RECQL: variants seen among roughly 807,000 people sequenced by gnomAD.
RECQL encodes the protein RecQ like helicase, also known as ATP-dependent DNA helicase Q1.
RECQL carries 73 observed loss-of-function variants against 75.8 expected under a neutral mutation model. The ratio of observed to expected loss-of-function variants is 0.96; its 90% CI spans 0.80 to 1.17. RECQL has a LOEUF of 1.17. Ranked by LOEUF, RECQL falls within the 50% of genes most tolerant of loss-of-function variation. The pLI, the probability that RECQL is intolerant of heterozygous loss-of-function variation, is 0.00. For missense variants in RECQL, 699 were observed against 772.1 expected, an observed-to-expected ratio of 0.91 and a Z score of 1.12; for synonymous variants, 248 against 254.4, an observed-to-expected ratio of 0.97 and a Z score of 0.24.
intron 2 of RECQL, 149 bp downstream of exon 2, chr12:21,499,406 T>A: frequency 1.5e-6 from 1 of 681,482 alleles, no homozygotes. Flanking sequence ...ATGGTTAGCA[T>A]GGCAAAGTTT....
intron 4 of RECQL, among the ~76,000 whole-genome samples, chr12:21,487,988 C>T (rs188999653): frequency 6.6e-6 from 1 of 152,298 alleles, no homozygotes; most frequent in East Asian, 1.9e-4. Context: ...CTGGAATAGA[C>T]TAAGATAACA....
intron 3 of RECQL, 25 bp downstream of exon 3, chr12:21,491,494 C>CAAAAAA: frequency 2.3e-6 from 3 of 1,322,940 alleles, no homozygotes; most frequent in Non-Finnish European, 2.9e-6. Flanking sequence ...ATAAAACTAG[C>CAAAAAA]AAAAAAAAAA....
intron 8 of RECQL, 121 bp downstream of exon 8, chr12:21,476,790 T>C: frequency 2.0e-6 from 1 of 510,528 alleles, no homozygotes. Context: ...TTTTCAAGTA[T>C]CTTCTGCTAT....
At chr12:21,486,290 T>C (rs1565570849) in intron 5 of RECQL, among the ~76,000 whole-genome samples, 189 bp downstream of exon 5, 1 of 152,132 alleles carries the variant, frequency 6.6e-6, no homozygotes, top group Non-Finnish European at 1.5e-5. Context: ...TTTAAAAATA[T>C]AAAAACCATT....
rs147610182 is a variant in RECQL at position 21,475,469 on chromosome 12, T to A, written c.1215A>T (p.Ala405=). 3.8e-6 allele frequency: 6 copies of A among 1,594,306 alleles called. No homozygotes were observed. The highest frequency in any genetic ancestry group is 5.2e-6 in the Non-Finnish European group (6 of 1,164,036). Residue 405 remains alanine, a splice_region_variant and synonymous_variant, in exon 10 of 15, where the codon GCA becomes GCT. Coordinates refer to ENST00000444129, the MANE Select transcript of RECQL (RefSeq NM_002907.4). ...CTTCTGGATTTGAGTCCTACATACC[T>A]GCACGTCCACTCTCTTGGTAATAAT... The part of the protein sequence containing the change: ...MENYYQESGR[A]GRDDMKADCI...
At position 21,483,570 on chromosome 12, in the gene RECQL, T is replaced by A; in HGVS notation, c.506A>T (p.His169Leu). The change falls in exon 6 of 15, where the codon CAT (histidine) becomes CTT (leucine). Residue 169 changes from histidine to leucine, a missense_variant. By Grantham distance (99) the His-to-Leu change is moderately conservative. Transcript: ENST00000444129. Reference protein sequence around the residue: ...TMLNASSSKEHVKWVHAEMVN... With the variant: ...TMLNASSSKELVKWVHAEMVN... Reference sequence around the variant, plus strand: ...CATTTCAGCATGAACCCATTTAACATGCTCCTATTAAAAGAAAAAAATAGA... The same window carrying A: ...CATTTCAGCATGAACCCATTTAACAAGCTCCTATTAAAAGAAAAAAATAGA... 6.4e-7 allele frequency: 1 copy of A among 1,569,700 alleles called. No individual in the cohort carries two copies. The highest frequency in any genetic ancestry group is 8.6e-7 in the Non-Finnish European group (1 of 1,166,892).
chr12:21,476,795 TG>T lies in RECQL; in HGVS notation c.949+115del, dbSNP rs1943094253. On this transcript the variant is annotated intron_variant, in intron 8 of 14. Coordinates refer to ENST00000444129, the MANE Select transcript of RECQL (RefSeq NM_002907.4). ...TTATCACGTATTTTCAAGTATCTTC[TG>T]CTATACATTAATTTTTTTTGGTGTT... 6 of 532,180 alleles carry T rather than the reference TG, an allele frequency of 1.1e-5. No homozygotes were observed. The East Asian group carries it at 2.0e-4, about 17-fold the overall frequency. The allele number at this position is 532,180 out of a possible 1,614,324, so 33.0% of individuals were successfully genotyped here. A position where few individuals can be genotyped will look rare whatever the true frequency, so the allele number is the denominator to read the frequency against.
chr12:21,479,589 G>A (rs1271556984), intron 6 of RECQL, among the ~76,000 whole-genome samples: 1 of 151,984 alleles, frequency 6.6e-6, no homozygotes, highest in Non-Finnish European at 1.5e-5. Context: ...CTGACCTCAG[G>A]TGATCCGCCC....
intron 2 of RECQL, among the ~76,000 whole-genome samples, chr12:21,498,738 A>G (rs553133408): frequency 7.5e-4 from 114 of 152,296 alleles, no homozygotes; most frequent in African/African-American, 2.6e-3. Context: ...AACTATAATA[A>G]CCAAATATAG....
At chr12:21,481,757 A>G (rs958777521) in intron 6 of RECQL, among the ~76,000 whole-genome samples, 2 of 152,224 alleles carry the variant, frequency 1.3e-5, no homozygotes, top group Admixed American at 6.5e-5. Context: ...CCTAGGGAAC[A>G]CTAATATTTA....
At chr12:21,470,405 T>C (rs1383480337) in intron 14 of RECQL, 59 bp from the exon 15 acceptor site, 13 of 1,470,426 alleles carry the variant, frequency 8.8e-6, no homozygotes, top group Non-Finnish European at 1.1e-5. Context: ...CTATTCAGTT[T>C]TCTCATGAGA....
chr12:21,487,112 T>A (rs74069247), intron 4 of RECQL, among the ~76,000 whole-genome samples: 1 of 91,694 alleles, frequency 1.1e-5, no homozygotes, highest in Non-Finnish European at 2.4e-5. Flanking sequence ...CAAATAAACA[T>A]ACAACTAAAC....
chr12:21,471,316 A>G (rs1591967182), intron 13 of RECQL, 112 bp downstream of exon 13: 1 of 1,053,568 alleles, frequency 9.5e-7, no homozygotes, highest in African/African-American at 1.6e-5. Context: ...ATTACTTTCT[A>G]TAGCATTTAA....
intron 2 of RECQL, among the ~76,000 whole-genome samples, chr12:21,495,136 C>T (rs67187752): frequency 0.18 from 27,110 of 152,070 alleles, 2,975 homozygotes; most frequent in Middle Eastern, 0.29. Flanking sequence ...GACCATCCTT[C>T]GACGAATTTC....
intron 4 of RECQL, among the ~76,000 whole-genome samples, chr12:21,489,385 A>G (rs970311051): frequency 8.1e-6 from 1 of 124,168 alleles, no homozygotes; most frequent in Non-Finnish European, 1.8e-5. Context: ...GCTACTACCC[A>G]ATCAGTAATA....
chr12:21,477,057 C>CA, intron 7 of RECQL, 65 bp from the exon 8 acceptor site: 1 of 1,047,918 alleles, frequency 9.5e-7, no homozygotes, highest in Non-Finnish European at 1.4e-6. Flanking sequence ...TGTCTATGTA[C>CA]AACTTTCAGG....
intron 2 of RECQL, among the ~76,000 whole-genome samples, chr12:21,497,677 A>G (rs1943533330): frequency 6.6e-6 from 1 of 152,236 alleles, no homozygotes; most frequent in South Asian, 2.1e-4. Context: ...ATTAAAAACA[A>G]CTTCGACAAA....
At chr12:21,478,571 C>T (rs757504930) in intron 6 of RECQL, among the ~76,000 whole-genome samples, 3 of 152,104 alleles carry the variant, frequency 2.0e-5, no homozygotes, top group Non-Finnish European at 2.9e-5. Context: ...ACGAACATCA[C>T]GCAGAGGAAA....
chr12:21,472,600 T>C (rs1943000120), intron 12 of RECQL, among the ~76,000 whole-genome samples: 1 of 152,084 alleles, frequency 6.6e-6, no homozygotes, highest in African/African-American at 2.4e-5. Flanking sequence ...TAAACTGTCA[T>C]GGTGCTAGTG....
Sources: allele counts gnomAD v4.1 joint callset (sites outside exome capture counted in the v4.1 genomes callset), GRCh38; gene constraint gnomAD v4.1.1; transcripts MANE v1.5; gene names NCBI Gene and HGNC (gene_info 2026-07-23, HGNC 2026-07-21).